ZMYM1: variants seen among roughly 807,000 people sequenced by gnomAD.
ZMYM1 encodes the protein zinc finger MYM-type protein 1.
Under a neutral mutation model 60.0 loss-of-function variants are expected in ZMYM1, and 39 were observed. That is an observed-to-expected ratio of 0.65 (90% CI 0.50 to 0.85). ZMYM1 has a LOEUF of 0.85. Among genes scored for constraint, ZMYM1 ranks in the 40% least tolerant of loss-of-function variants. The pLI is 0.00. For synonymous variants in ZMYM1, 413 were observed against 454.0 expected (o/e 0.91, Z 1.15); for missense variants, 1,171 against 1,309.5 (o/e 0.89, Z 1.63).
At chr1:35,070,417 T>C (rs1226643113) in intron 1 of ZMYM1, among the ~76,000 whole-genome samples, 2 of 152,218 alleles carry the variant, frequency 1.3e-5, no homozygotes, top group Non-Finnish European at 2.9e-5. Flanking sequence ...ACTGCTGATT[T>C]TTCTATGTTG....
At chr1:35,103,822 A>G (rs191969359) in intron 4 of ZMYM1, among the ~76,000 whole-genome samples, 2 of 152,318 alleles carry the variant, frequency 1.3e-5, no homozygotes, top group South Asian at 2.1e-4. Context: ...TGAAGACCAT[A>G]TTTTAAGATT....
rs565554416 is a variant in ZMYM1, at chr1:35,095,668, G to A, written c.97-151G>A. 6 of 540,210 alleles carry A rather than the reference G, an allele frequency of 1.1e-5. 1 individual carries two copies. The highest frequency in any genetic ancestry group is 5.2e-4 in the Middle Eastern group (1 of 1,936). 33.5% of individuals were successfully genotyped at this position (540,210 alleles called of 1,614,324 possible). On this transcript the variant is annotated intron_variant, in intron 2 of 9. Coordinates refer to ENST00000359858, the MANE Select transcript of ZMYM1 (RefSeq NM_024772.5). Reference sequence around the variant, plus strand: ...TGTTGTCAGCCAAAGAGCACCAAAAGGGTAGTGCATACCTGTGTATTTTGG... The same window carrying A: ...TGTTGTCAGCCAAAGAGCACCAAAAAGGTAGTGCATACCTGTGTATTTTGG...
chr1:35,079,729 C>G (rs1642266976), intron 1 of ZMYM1, among the ~76,000 whole-genome samples: 1 of 152,190 alleles, frequency 6.6e-6, no homozygotes, highest in African/African-American at 2.4e-5. Flanking sequence ...AGTAACTGGG[C>G]CTTCAGACTT....
In ZMYM1 at chr1:35,115,399, C is replaced by A. The variant is rs1457110366; in HGVS notation, c.*140C>A. ...TCCTTTAGAACTCATTTTCTCTTCCCAAAAAGTGTTATCTTTTCCTTAAAT... is the reference window on the plus strand; with the variant it reads ...TCCTTTAGAACTCATTTTCTCTTCCAAAAAAGTGTTATCTTTTCCTTAAAT... On this transcript the variant is annotated 3_prime_UTR_variant, in exon 10 of 10. Coordinates refer to ENST00000359858, the MANE Select transcript of ZMYM1 (RefSeq NM_024772.5). The A allele has an allele frequency of 2.9e-6, 3 of 1,036,042 alleles. No homozygotes were observed. Among genetic ancestry groups the A allele is most frequent in the Admixed American group, 3.2e-5 (1 of 31,510 alleles). 64.2% of individuals were successfully genotyped at this position (1,036,042 alleles called of 1,614,324 possible). A position where few individuals can be genotyped will look rare whatever the true frequency, so the allele number is the denominator to read the frequency against.
intron 1 of ZMYM1, among the ~76,000 whole-genome samples, chr1:35,085,520 C>T (rs1020777302): frequency 1.3e-5 from 2 of 152,150 alleles, no homozygotes; most frequent in Admixed American, 1.3e-4. Flanking sequence ...CATCTGTCTC[C>T]CTTTCCCTCT....
chr1:35,069,641 A>AT (rs199537511), intron 1 of ZMYM1, among the ~76,000 whole-genome samples: 7 of 152,150 alleles, frequency 4.6e-5, no homozygotes, highest in Non-Finnish European at 8.8e-5. Context: ...TTGAGGACTT[A>AT]TTTTTTTAAA....
chr1:35,111,849 A>T lies in ZMYM1; in HGVS notation c.1039A>T (p.Asn347Tyr). 2 of 1,609,456 alleles carry T rather than the reference A, an allele frequency of 1.2e-6. No homozygotes were observed. The highest frequency in any genetic ancestry group is 1.1e-5 in the South Asian group (1 of 90,456). Residue 347 changes from asparagine to tyrosine, a missense_variant, in exon 8 of 10, where the codon AAT (asparagine) becomes TAT (tyrosine). Asn to Tyr is a moderately radical substitution (Grantham distance 143). Transcript: ENST00000359858. ...GAAAGATACGACTCCAGTTATAAGC[A>T]ATATAGTGTCATTGGCAGACACCGA... ...PKKDTTPVIS[N>Y]IVSLADTDVA...
At position 35,114,655 on chromosome 1, in the gene ZMYM1, A is replaced by G; in HGVS notation, c.2825A>G (p.Gln942Arg). 2 of 1,596,396 alleles carry G rather than the reference A, an allele frequency of 1.3e-6. No homozygotes were observed. The highest frequency in any genetic ancestry group is 1.7e-6 in the Non-Finnish European group (2 of 1,175,416). ...TCTCTTCAGAAAAGAAGAAAAATTC[A>G]GAAATCAGTAGATCTTGGCAATTCA... ...KPSLQKRRKI[Q>R]KSVDLGNSDN... Residue 942 changes from glutamine to arginine, a missense_variant, in exon 10 of 10, where the codon CAG becomes CGG. By Grantham distance (43) the Gln-to-Arg change is conservative. Transcript: ENST00000359858.
chr1:35,097,721 T>A, intron 4 of ZMYM1, 155 bp downstream of exon 4: 2 of 830,504 alleles, frequency 2.4e-6, no homozygotes, highest in Non-Finnish European at 3.7e-6. Flanking sequence ...CTCGGCTCAC[T>A]GCAACTTCCA....
chr1:35,083,304 T>C (rs1569874395), intron 1 of ZMYM1, among the ~76,000 whole-genome samples: 1 of 152,048 alleles, frequency 6.6e-6, no homozygotes, highest in East Asian at 1.9e-4. Flanking sequence ...ATGCATACCA[T>C]CATACCCAGC....
In ZMYM1 at chr1:35,069,634, A is replaced by C. The variant is rs184943085; in HGVS notation, c.-300-9360A>C. On this transcript the variant is annotated intron_variant, in intron 1 of 10. Transcript: ENST00000417119. The stretch of plus-strand genomic sequence containing the variant: ...TTTGTTTTTGTTGCCTGTGCTTTTG[A>C]GGACTTATTTTTTTAAAAAAATTGC... Among the ~76,000 whole-genome samples the C allele has an allele frequency of 1.5e-3, 231 of 152,162 alleles. 1 individual carries two copies. Among genetic ancestry groups the C allele is most frequent in the Middle Eastern group, 3.4e-3 (1 of 294 alleles).
Position 35,097,464 on chromosome 1 carries a change from A to G in ZMYM1, c.317A>G (p.Lys106Arg), listed in dbSNP as rs1297217971. ...LQKGQTAYQR[K>R]GSAQLFCSIP... ...AAGGGGCAAACTGCTTATCAGAGGAAAGGATCTGCTCAACTTTTCTGCTCC... is the reference window on the plus strand; with the variant it reads ...AAGGGGCAAACTGCTTATCAGAGGAGAGGATCTGCTCAACTTTTCTGCTCC... Residue 106 changes from lysine (K) to arginine (R), a missense_variant, in exon 4 of 10, where the codon AAA becomes AGA. By Grantham distance (26) the Lys-to-Arg change is conservative. Coordinates refer to ENST00000359858, the MANE Select transcript of ZMYM1 (RefSeq NM_024772.5). 6.2e-7 allele frequency: 1 copy of G among 1,614,050 alleles called. No individual in the cohort carries two copies. Among genetic ancestry groups the G allele is most frequent in the African/African-American group, 1.3e-5 (1 of 74,922 alleles).
At chr1:35,099,153 C>G (rs2148528473) in intron 4 of ZMYM1, among the ~76,000 whole-genome samples, 1 of 152,268 alleles carries the variant, frequency 6.6e-6, no homozygotes, top group South Asian at 2.1e-4. Context: ...AACTCACAAA[C>G]CCTTTTGATG....
chr1:35,063,330 C>T (rs1246508446), intron 1 of ZMYM1, among the ~76,000 whole-genome samples: 1 of 151,954 alleles, frequency 6.6e-6, no homozygotes, highest in Non-Finnish European at 1.5e-5. Context: ...TTTTAAGAGA[C>T]AGGGTCTTGC....
chr1:35,089,984 A>C (rs1179907908), intron 1 of ZMYM1, among the ~76,000 whole-genome samples: 2 of 149,428 alleles, frequency 1.3e-5, no homozygotes, highest in Non-Finnish European at 3.0e-5. Flanking sequence ...GGCTCACTGC[A>C]AGCTCCGCCT....
rs1424874031 is a variant in ZMYM1 at position 35,114,588 on chromosome 1, T to C, written c.2758T>C (p.Cys920Arg). 2.5e-6 allele frequency: 4 copies of C among 1,609,460 alleles called. No individual in the cohort carries two copies. The highest frequency in any genetic ancestry group is 2.5e-6 in the Non-Finnish European group (3 of 1,178,580). ...AATCTGGGATGGAACAGAGGAAATA[T>C]GTCAAAAAATAACCTGTAAAGGTTT... ...KTIWDGTEEI[C>R]QKITCKGFKV... Residue 920 changes from cysteine (C) to arginine (R), a missense_variant, in exon 10 of 10, where the codon TGT becomes CGT. By Grantham distance (180) the Cys-to-Arg change is radical. Transcript: ENST00000359858.
chr1:35,078,823 A>G (rs1455457128), upstream of ZMYM1, among the ~76,000 whole-genome samples: 1 of 152,122 alleles, frequency 6.6e-6, no homozygotes, highest in Non-Finnish European at 1.5e-5. Context: ...TGCTGGAATT[A>G]TAGGTGTGAC....
chr1:35,062,281 C>T (rs1641890538), intron 1 of ZMYM1, among the ~76,000 whole-genome samples: 1 of 152,182 alleles, frequency 6.6e-6, no homozygotes, highest in East Asian at 1.9e-4. Flanking sequence ...CAGCCTCTTC[C>T]TCTTTTCTTT....
At chr1:35,075,208 T>G (rs1225683416), upstream of ZMYM1, among the ~76,000 whole-genome samples, 1 of 152,260 alleles carries the variant, frequency 6.6e-6, no homozygotes, top group Non-Finnish European at 1.5e-5. Flanking sequence ...TGGCTACTCC[T>G]GCTTACTTTT....
Sources: gnomAD v4.1 joint callset for allele counts (sites outside exome capture counted in the v4.1 genomes callset) on GRCh38, gnomAD v4.1.1 for gene constraint, MANE v1.5 for transcripts, NCBI Gene and HGNC (gene_info 2026-07-23, HGNC 2026-07-21) for gene names.